Variants in PRELP observed in about 807,000 individuals in gnomAD.
The protein encoded by PRELP is proline and arginine rich end leucine rich repeat protein, also known as prolargin.
PRELP carries 16 observed loss-of-function variants against 22.8 expected under a neutral mutation model. That is an observed-to-expected ratio of 0.70 (90% CI 0.47 to 1.06). The LOEUF is 1.06. PRELP is among the 50% of genes least tolerant of loss of function. The pLI is 0.00. For missense variants in PRELP, 434 were observed against 485.2 expected (o/e 0.89, Z 0.99); for synonymous variants, 233 against 211.4 (o/e 1.10, Z -0.89).
chr1:203,479,230 C>A (rs1349316121), intron 1 of PRELP, among the ~76,000 whole-genome samples: 1 of 152,128 alleles, frequency 6.6e-6, no homozygotes, highest in Non-Finnish European at 1.5e-5. Flanking sequence ...ACCTCATTCC[C>A]AGCCCAACCT....
chr1:203,486,994 C>CTTTCT lies in PRELP; in HGVS notation c.*115_*116insTCTTT. ...CTTTCTTTCTCCCAGCTTTGCCTCC[C>CTTTCT]TTATCCCACCCTCGAGGCAGGGAAA... On this transcript the variant is annotated 3_prime_UTR_variant, in exon 3 of 3. Transcript: ENST00000343110. The CTTTCT allele has an allele frequency of 8.2e-7, 1 of 1,213,682 alleles. No individual in the cohort carries two copies. The highest frequency in any genetic ancestry group is 1.1e-6 in the Non-Finnish European group (1 of 892,198). The allele number at this position is 1,213,682 out of a possible 1,614,324, so 75.2% of individuals were successfully genotyped here.
chr1:203,483,315 C>T lies in PRELP; in HGVS notation c.131C>T (p.Pro44Leu). The change falls in exon 2 of 3, where the codon CCC (proline) becomes CTC (leucine). Residue 44 changes from proline (P) to leucine (L), a missense_variant. Physicochemically the swap from Pro to Leu is moderately conservative, Grantham distance 98. Transcript: ENST00000343110. The surrounding 1 kb of genome is among the most constrained non-coding windows in gnomAD (Gnocchi z 4.4). ...CCCAGGCCCAGGCCCAGGCCCACACCCAGCTTTCCTCAGCCTGATGAACCA... is the reference window on the plus strand; with the variant it reads ...CCCAGGCCCAGGCCCAGGCCCACACTCAGCTTTCCTCAGCCTGATGAACCA... ...RRPRPRPRPT[P>L]SFPQPDEPAE... is the part of the protein sequence containing the mutation. 1 of 1,614,066 alleles carries T rather than the reference C, an allele frequency of 6.2e-7. No homozygotes were observed. Among genetic ancestry groups the T allele is most frequent in the Non-Finnish European group, 8.5e-7 (1 of 1,180,002 alleles).
rs1661180834 is a variant in PRELP, at chr1:203,490,899, T to G, written c.*4018T>G. The G allele has an allele frequency of 6.6e-6, 1 of 152,226 alleles. No homozygotes were observed. The highest frequency in any genetic ancestry group is 2.1e-4 in the South Asian group (1 of 4,830). 9.4% of individuals were successfully genotyped at this position (152,226 alleles called of 1,614,324 possible). The stretch of plus-strand genomic sequence containing the variant: ...GATAATATACATAGCAGCACATCCT[T>G]GAGGAACTCATACCTTGGTAAAGGG... On this transcript the variant is annotated 3_prime_UTR_variant, in exon 3 of 3. Transcript: ENST00000343110.
At position 203,484,080 on chromosome 1, in the gene PRELP, C is replaced by T; in HGVS notation, c.896C>T (p.Ser299Phe). The T allele has an allele frequency of 6.2e-7, 1 of 1,614,126 alleles. No homozygotes were observed. Among genetic ancestry groups the T allele is most frequent in the Non-Finnish European group, 8.5e-7 (1 of 1,180,036 alleles). ...TCCAACCTGCTTGTGCTCCACCTGT[C>T]CCACAACAGGATCAGCAGTGTGCCC... is the stretch of plus-strand genomic sequence containing the variant. ...NISNLLVLHL[S>F]HNRISSVPAI... The change falls in exon 2 of 3, where the codon TCC (serine) becomes TTC (phenylalanine). Residue 299 changes from serine to phenylalanine, a missense_variant. Physicochemically the swap from Ser to Phe is radical, Grantham distance 155 (BLOSUM62 -2). Transcript: ENST00000343110.
chr1:203,484,028 G>A lies in PRELP; in HGVS notation c.844G>A (p.Gly282Arg). 1 of 1,614,224 alleles carries A rather than the reference G, an allele frequency of 6.2e-7. No homozygotes were observed. The highest frequency in any genetic ancestry group is 8.5e-7 in the Non-Finnish European group (1 of 1,180,042). ...TAACTACAACAAGCTGACAGACAGG[G>A]GACTCCCCAAGAACTCCTTTAATAT... is the stretch of plus-strand genomic sequence containing the variant. ...RLNYNKLTDR[G>R]LPKNSFNISN... The change falls in exon 2 of 3, where the codon GGA (glycine) becomes AGA (arginine). Residue 282 changes from glycine to arginine, a missense_variant. Coordinates refer to ENST00000343110, the MANE Select transcript of PRELP (RefSeq NM_002725.4).
chr1:203,479,706 CAAAAAAAAAAA>C (rs397844598), intron 1 of PRELP, among the ~76,000 whole-genome samples: 5 of 52,490 alleles, frequency 9.5e-5, no homozygotes, highest in Admixed American at 3.0e-4. Flanking sequence ...CCTGTATCAC[CAAAAAAAAAAA>C]AAAAAAAAAA....
intron 1 of PRELP, among the ~76,000 whole-genome samples, chr1:203,481,626 G>A (rs941232349): frequency 2.0e-5 from 3 of 152,240 alleles, no homozygotes; most frequent in Non-Finnish European, 2.9e-5. Flanking sequence ...GGGAGGTGGA[G>A]AAAGACAGTC....
chr1:203,480,507 T>C (rs552376471), intron 1 of PRELP, among the ~76,000 whole-genome samples: 5 of 152,250 alleles, frequency 3.3e-5, no homozygotes, highest in Non-Finnish European at 5.9e-5. Flanking sequence ...TTCAGAGACC[T>C]AGGACATCAC....
chr1:203,480,820 G>A (rs539960597), intron 1 of PRELP, among the ~76,000 whole-genome samples: 2 of 152,344 alleles, frequency 1.3e-5, no homozygotes, highest in South Asian at 2.1e-4. Flanking sequence ...GAATGTAAAC[G>A]GGTCAGAGGA....
At chr1:203,480,318 A>G (rs1002844743) in intron 1 of PRELP, among the ~76,000 whole-genome samples, 2 of 152,208 alleles carry the variant, frequency 1.3e-5, no homozygotes, top group Non-Finnish European at 2.9e-5. Flanking sequence ...GGAGAAGTGC[A>G]CTTGTGAAAG....
chr1:203,483,082 T>C lies in PRELP; in HGVS notation c.-16-87T>C. On this transcript the variant is annotated intron_variant, in intron 1 of 2. Coordinates refer to ENST00000343110, the MANE Select transcript of PRELP (RefSeq NM_002725.4). The surrounding 1 kb of genome is among the most constrained non-coding windows in gnomAD (Gnocchi z 4.4). ...GCTCTGCCCATCTTCCCTAGAGCTC[T>C]AGTTCTGCCCAACTCTGGCTTCAAA... 1 of 1,112,660 alleles carries C rather than the reference T, an allele frequency of 9.0e-7. No individual in the cohort carries two copies. Among genetic ancestry groups the C allele is most frequent in the African/African-American group, 1.6e-5 (1 of 63,790 alleles). The allele number at this position is 1,112,660 out of a possible 1,614,324, so 68.9% of individuals were successfully genotyped here.
At chr1:203,485,394 T>G (rs1040341097) in intron 2 of PRELP, among the ~76,000 whole-genome samples, 1 of 152,190 alleles carries the variant, frequency 6.6e-6, no homozygotes, top group African/African-American at 2.4e-5. Flanking sequence ...CTCACCCACA[T>G]GAGCCCACCC....
rs73056529 is a variant in PRELP at position 203,477,583 on chromosome 1, C to T, written c.-17+1645C>T. 4.5e-3 allele frequency among the ~76,000 whole-genome samples: 679 copies of T among 152,282 alleles called. 6 individuals are homozygous for T. Among genetic ancestry groups the T allele is most frequent in the African/African-American group, 0.015 (640 of 41,550 alleles). On this transcript the variant is annotated intron_variant, in intron 1 of 2. Coordinates refer to ENST00000343110, the MANE Select transcript of PRELP (RefSeq NM_002725.4). ...GGCCCTTCCCCTGACCCTTATAGGT[C>T]CCTGCTCCTCCTTCCCAGCAGCCAC...
chr1:203,487,762 G>GGCA lies in PRELP; in HGVS notation c.*884_*886dup, dbSNP rs75344946. ...TTTTGTGGGGGCGGGGGAAGGAAGA[G>GGCA]GCAGCCCCGCCCCCGCCATCTGTTC... is the stretch of plus-strand genomic sequence containing the variant. On this transcript the variant is annotated 3_prime_UTR_variant, in exon 3 of 3. Transcript: ENST00000343110. The GGCA allele has an allele frequency of 0.57, 86,723 of 151,804 alleles. 25,425 individuals are homozygous for GGCA. The highest frequency in any genetic ancestry group is 0.78 in the East Asian group (4,019 of 5,122). 9.4% of individuals were successfully genotyped at this position (151,804 alleles called of 1,614,324 possible). A position where few individuals can be genotyped will look rare whatever the true frequency, so the allele number is the denominator to read the frequency against.
At chr1:203,484,970 C>A (rs1242913739) in intron 2 of PRELP, among the ~76,000 whole-genome samples, 2 of 152,072 alleles carry the variant, frequency 1.3e-5, no homozygotes, top group Admixed American at 6.6e-5. Flanking sequence ...AGAAGGGATG[C>A]AGCAGCAGAA....
chr1:203,482,238 G>T (rs1052507529), intron 1 of PRELP, among the ~76,000 whole-genome samples: 5 of 151,860 alleles, frequency 3.3e-5, no homozygotes, highest in African/African-American at 1.2e-4. Context: ...TCTCTGACAA[G>T]CCCCAGGACT....
chr1:203,477,466 A>G (rs1660931285), intron 1 of PRELP, among the ~76,000 whole-genome samples: 1 of 152,146 alleles, frequency 6.6e-6, no homozygotes, highest in Admixed American at 6.6e-5. Flanking sequence ...GGAACATTCC[A>G]GTAAGAAAGT....
At position 203,490,012 on chromosome 1, in the gene PRELP, T is replaced by C. The variant is rs762951797; in HGVS notation, c.*3131T>C. 3.3e-5 allele frequency: 5 copies of C among 152,150 alleles called. No individual in the cohort carries two copies. The highest frequency in any genetic ancestry group is 5.9e-5 in the Non-Finnish European group (4 of 68,004). 9.4% of individuals were successfully genotyped at this position (152,150 alleles called of 1,614,324 possible). On this transcript the variant is annotated 3_prime_UTR_variant, in exon 3 of 3. Transcript: ENST00000343110. ...TCATCTTGCCACCCACCCCCTACCA[T>C]TGAGCCACCATGCCCAGCCCCAAAG... is the stretch of plus-strand genomic sequence containing the variant.
chr1:203,481,571 C>T (rs916923345), intron 1 of PRELP, among the ~76,000 whole-genome samples: 1 of 152,220 alleles, frequency 6.6e-6, no homozygotes, highest in Non-Finnish European at 1.5e-5. Context: ...AAATGGCCTT[C>T]CAGACCTCCT....
Sources: allele counts gnomAD v4.1 joint callset (sites outside exome capture counted in the v4.1 genomes callset), GRCh38; gene constraint gnomAD v4.1.1; non-coding constraint Gnocchi (gnomAD v3.1); transcripts MANE v1.5; gene names NCBI Gene and HGNC (gene_info 2026-07-23, HGNC 2026-07-21).